The following CLIP1 variants were observed in gnomAD, a reference collection of about 807,000 sequenced individuals.
CLIP1 encodes the protein CAP-Gly domain containing linker protein 1, also known as CAP-Gly domain-containing linker protein 1.
CLIP1 carries 66 observed loss-of-function variants against 161.6 expected under a neutral mutation model. The ratio of observed to expected loss-of-function variants is 0.41; its 90% CI spans 0.33 to 0.50. The LOEUF (loss-of-function observed/expected upper bound fraction) is 0.50. CLIP1 is among the 20% of genes least tolerant of loss of function. The pLI is 0.27. For synonymous variants in CLIP1, 598 were observed against 626.2 expected (o/e 0.96, Z 0.67); for missense variants, 1,376 against 1,702.0 (o/e 0.81, Z 3.37).
intron 3 of CLIP1, among the ~76,000 whole-genome samples, chr12:122,374,210 G>A (rs1267063032): frequency 2.7e-5 from 4 of 150,464 alleles, no homozygotes; most frequent in African/African-American, 4.9e-5. Context: ...GGTAGCTCAC[G>A]CCTGTAACCC....
At position 122,286,520 on chromosome 12, in the gene CLIP1, TAAAAAAAAAAAAAAAAA is replaced by T. The variant is rs57260606; in HGVS notation, c.3647+1952_3647+1968del. On this transcript the variant is annotated intron_variant, in intron 21 of 25. Transcript: ENST00000620786. ...TGGGTGATAGAGCAAGACTCTGTCTTAAAAAAAAAAAAAAAAAAAAAAAAAAAAAAAAGTAGACAAAG... is the reference window on the plus strand; with the variant it reads ...TGGGTGATAGAGCAAGACTCTGTCTTAAAAAAAAAAAAAAAGTAGACAAAG... Among the ~76,000 whole-genome samples, 103 of 28,270 alleles carry T rather than the reference TAAAAAAAAAAAAAAAAA, an allele frequency of 3.6e-3. 1 individual carries two copies. Among genetic ancestry groups the T allele is most frequent in the African/African-American group, 0.011 (96 of 9,056 alleles). The allele number at this position is 28,270 out of a possible 152,430, so 18.5% of individuals were successfully genotyped here. A position where few individuals can be genotyped will look rare whatever the true frequency, so the allele number is the denominator to read the frequency against.
In CLIP1 at chr12:122,377,380, T is replaced by C. The variant is rs1461927537; in HGVS notation, c.657+9A>G. 1.2e-6 allele frequency: 2 copies of C among 1,604,252 alleles called. No homozygotes were observed. Among genetic ancestry groups the C allele is most frequent in the African/African-American group, 2.7e-5 (2 of 74,630 alleles). ...CAATGAAATGACCTCAGAATGTTTC[T>C]CTACTCACCAATACTCTGTCTCCGA... is the stretch of plus-strand genomic sequence containing the variant. On this transcript the variant is annotated intron_variant, in intron 3 of 25. Coordinates refer to ENST00000620786, the MANE Select transcript of CLIP1 (RefSeq NM_001247997.2).
intron 1 of CLIP1, among the ~76,000 whole-genome samples, chr12:122,411,596 C>CA (rs1416879934): frequency 6.6e-6 from 1 of 152,272 alleles, no homozygotes; most frequent in Admixed American, 6.5e-5. Context: ...ATGCATGCCA[C>CA]AACATGGAGG....
intron 1 of CLIP1, among the ~76,000 whole-genome samples, chr12:122,394,979 C>G (rs1239931037): frequency 6.6e-6 from 1 of 152,140 alleles, no homozygotes; most frequent in Non-Finnish European, 1.5e-5. Context: ...ATAAACAGCA[C>G]AAGGCAAAAT....
chr12:122,344,314 G>A (rs1333031626), intron 10 of CLIP1, among the ~76,000 whole-genome samples: 1 of 152,122 alleles, frequency 6.6e-6, no homozygotes. Flanking sequence ...GACTCATCAG[G>A]TTAAAGATGT....
intron 9 of CLIP1, among the ~76,000 whole-genome samples, 187 bp from the exon 10 acceptor site, chr12:122,347,666 A>G (rs570830664): frequency 1.3e-5 from 2 of 152,288 alleles, no homozygotes; most frequent in Admixed American, 1.3e-4. Flanking sequence ...TACCAGGGAC[A>G]AAGGATGGTG....
At position 122,272,640 on chromosome 12, in the gene CLIP1, T is replaced by TA; in HGVS notation, c.*234dup. 2.0e-6 allele frequency: 1 copy of TA among 509,234 alleles called. No individual in the cohort carries two copies. The highest frequency in any genetic ancestry group is 3.5e-6 in the Non-Finnish European group (1 of 282,812). The allele number at this position is 509,234 out of a possible 1,614,324, so 31.5% of individuals were successfully genotyped here. On this transcript the variant is annotated 3_prime_UTR_variant, in exon 26 of 26. Transcript: ENST00000620786. ...GCATCTGGTGCAATGTCTTCAAACG[T>TA]AAAAATCAAGAAAACAAAATTCGAG...
intron 9 of CLIP1, 96 bp from the exon 10 acceptor site, chr12:122,347,575 T>A (rs1952810166): frequency 2.3e-6 from 2 of 880,672 alleles, no homozygotes; most frequent in Admixed American, 1.8e-5. Context: ...GAGCCACCAG[T>A]ACCTTCTGCC....
At chr12:122,350,499 T>C (rs1386888018) in intron 9 of CLIP1, among the ~76,000 whole-genome samples, 1 of 152,110 alleles carries the variant, frequency 6.6e-6, no homozygotes, top group African/African-American at 2.4e-5. Context: ...CATGCTATTG[T>C]CTTCATTGAC....
chr12:122,410,415 G>GTA (rs1205116227), intron 1 of CLIP1, among the ~76,000 whole-genome samples: 1 of 62,888 alleles, frequency 1.6e-5, no homozygotes, highest in Non-Finnish European at 3.4e-5. Flanking sequence ...ATTTATTTAT[G>GTA]TATACACACA....
At chr12:122,291,622 C>A (rs1275110046) in intron 20 of CLIP1, among the ~76,000 whole-genome samples, 1 of 152,162 alleles carries the variant, frequency 6.6e-6, no homozygotes, top group Non-Finnish European at 1.5e-5. Context: ...TACTTTTTGG[C>A]AGGAACACCA....
chr12:122,387,596 T>A (rs1955383299), intron 1 of CLIP1, among the ~76,000 whole-genome samples: 2 of 87,082 alleles, frequency 2.3e-5, no homozygotes, highest in East Asian at 3.8e-4. Context: ...ATATATTTTT[T>A]TTTTTTTTTT....
chr12:122,350,765 A>C (rs1274983487), intron 9 of CLIP1, among the ~76,000 whole-genome samples: 1 of 151,056 alleles, frequency 6.6e-6, no homozygotes, highest in Non-Finnish European at 1.5e-5. Flanking sequence ...GCCAGATATC[A>C]TCTCTTTTGG....
chr12:122,404,083 G>A (rs1593256440), intron 1 of CLIP1, among the ~76,000 whole-genome samples: 1 of 152,210 alleles, frequency 6.6e-6, no homozygotes, highest in Non-Finnish European at 1.5e-5. Flanking sequence ...CTGAGGACAA[G>A]TGACAGACAC....
rs199998326 is a variant in CLIP1 at position 122,341,517 on chromosome 12, G to A, written c.1687C>T (p.Arg563Cys). The A allele has an allele frequency of 3.2e-5, 51 of 1,613,962 alleles. No homozygotes were observed. The highest frequency in any genetic ancestry group is 4.2e-5 in the Non-Finnish European group (50 of 1,180,012). ...GTTATTTCTCTCTGGTGGTCAGTAC[G>A]GGTGACTTCTAACTTTTCTTGCAAA... The part of the protein sequence containing the change: ...SSLQEKLEVT[R>C]TDHQREITSL... Residue 563 changes from arginine to cysteine, a missense_variant, in exon 11 of 26, where the codon CGT becomes TGT. Around this residue, in one of 6 missense-constraint regions of CLIP1, gnomAD observed 948 missense variants for 1,134.8 expected, o/e 0.84. Transcript: ENST00000620786.
intron 1 of CLIP1, among the ~76,000 whole-genome samples, chr12:122,408,207 C>T (rs1461795725): frequency 2.2e-5 from 3 of 138,076 alleles, no homozygotes; most frequent in South Asian, 2.2e-4. Flanking sequence ...CTGGCCTAGA[C>T]GATAAGAATG....
intron 11 of CLIP1, among the ~76,000 whole-genome samples, chr12:122,339,377 G>A (rs758402266): frequency 4.6e-4 from 70 of 152,042 alleles, no homozygotes; most frequent in African/African-American, 1.3e-3. Context: ...TTGCTCTGTC[G>A]CCCAGGATGG....
At chr12:122,288,668 A>T (rs190143174) in intron 20 of CLIP1, 127 bp from the exon 21 acceptor site, 1 of 701,178 alleles carries the variant, frequency 1.4e-6, no homozygotes, top group African/African-American at 1.8e-5. Context: ...ACAGCAATGA[A>T]GAGGGACAAG....
At chr12:122,305,408 G>A (rs1950827597) in intron 20 of CLIP1, among the ~76,000 whole-genome samples, 1 of 152,174 alleles carries the variant, frequency 6.6e-6, no homozygotes, top group African/African-American at 2.4e-5. Context: ...TCCAGCCCAG[G>A]CTACAAAGTG....
Sources: gnomAD v4.1 joint callset for allele counts (sites outside exome capture counted in the v4.1 genomes callset) on GRCh38, gnomAD v4.1.1 for gene constraint, gnomAD v4.1.1 regional missense constraint, MANE v1.5 for transcripts, NCBI Gene and HGNC (gene_info 2026-07-23, HGNC 2026-07-21) for gene names.